The following AP3S1 variants were observed in gnomAD, a reference collection of about 807,000 sequenced individuals.
The protein encoded by AP3S1 is adaptor related protein complex 3 subunit sigma 1.
In AP3S1, 12 loss-of-function variants were observed where a neutral mutation model predicts 21.3. The observed-to-expected ratio is 0.56, with a 90% CI of 0.36 to 0.91. AP3S1 has a LOEUF of 0.91. Among genes scored for constraint, AP3S1 ranks in the 40% least tolerant of loss-of-function variants. AP3S1 has a pLI of 0.01. For missense variants in AP3S1, 116 were observed against 225.0 expected, an observed-to-expected ratio of 0.52 and a Z score of 3.10; for synonymous variants, 48 against 78.4, an observed-to-expected ratio of 0.61 and a Z score of 2.05.
At chr5:115,869,586 A>G in intron 2 of AP3S1, among the ~76,000 whole-genome samples, 1 of 151,910 alleles carries the variant, frequency 6.6e-6, no homozygotes, top group Non-Finnish European at 1.5e-5. Context: ...TTCCAAGCCA[A>G]CTCCTTATCA....
At chr5:115,883,785 T>C (rs1749522458) in intron 3 of AP3S1, among the ~76,000 whole-genome samples, 1 of 152,256 alleles carries the variant, frequency 6.6e-6, no homozygotes, top group South Asian at 2.1e-4. Flanking sequence ...AATCAGCTTT[T>C]GCTTGGGAGT....
At chr5:115,863,662 T>C (rs989320574) in intron 1 of AP3S1, among the ~76,000 whole-genome samples, 1 of 152,150 alleles carries the variant, frequency 6.6e-6, no homozygotes, top group Non-Finnish European at 1.5e-5. Flanking sequence ...AAAATCCCTT[T>C]TTACGTCGTA....
At chr5:115,896,542 G>T (rs938005293) in intron 4 of AP3S1, among the ~76,000 whole-genome samples, 1 of 152,198 alleles carries the variant, frequency 6.6e-6, no homozygotes, top group Non-Finnish European at 1.5e-5. Flanking sequence ...AGTTTGGGAG[G>T]CTGAGGCCGG....
At chr5:115,857,993 A>G (rs749960493) in intron 1 of AP3S1, among the ~76,000 whole-genome samples, 1 of 152,188 alleles carries the variant, frequency 6.6e-6, no homozygotes, top group East Asian at 1.9e-4. Flanking sequence ...AGTTGTCTGA[A>G]TCATACACAT....
intron 1 of AP3S1, among the ~76,000 whole-genome samples, chr5:115,850,121 T>G (rs1762334943): frequency 1.3e-5 from 2 of 152,208 alleles, no homozygotes; most frequent in Admixed American, 1.3e-4. Context: ...ATTTACATTT[T>G]TCCACTCTTG....
chr5:115,872,716 A>G (rs1451959160), intron 3 of AP3S1, among the ~76,000 whole-genome samples: 1 of 149,900 alleles, frequency 6.7e-6, no homozygotes, highest in African/African-American at 2.5e-5. Context: ...AAAGAAGCCA[A>G]ATCTTACTTT....
chr5:115,882,005 G>T (rs971568972), intron 3 of AP3S1, among the ~76,000 whole-genome samples: 1 of 151,622 alleles, frequency 6.6e-6, no homozygotes, highest in Admixed American at 6.6e-5. Context: ...TATTGATACT[G>T]TGTGTGCTTC....
chr5:115,864,339 G>A (rs1763442266), intron 1 of AP3S1, among the ~76,000 whole-genome samples: 1 of 152,116 alleles, frequency 6.6e-6, no homozygotes, highest in Admixed American at 6.6e-5. Context: ...CAATCCCCCT[G>A]GCATCCCAGA....
chr5:115,881,333 G>A (rs1749266398), intron 3 of AP3S1, among the ~76,000 whole-genome samples: 1 of 152,140 alleles, frequency 6.6e-6, no homozygotes, highest in African/African-American at 2.4e-5. Flanking sequence ...GCAATGGCTG[G>A]TACCGGTTTT....
intron 4 of AP3S1, among the ~76,000 whole-genome samples, chr5:115,901,864 G>T (rs6897860): frequency 1.3e-5 from 2 of 151,782 alleles, no homozygotes; most frequent in Non-Finnish European, 2.9e-5. Context: ...ATAAATTTGC[G>T]TGAAATCTTA....
chr5:115,859,949 TA>T (rs1274972999), intron 1 of AP3S1, among the ~76,000 whole-genome samples: 1 of 152,190 alleles, frequency 6.6e-6, no homozygotes, highest in East Asian at 1.9e-4. Flanking sequence ...ACCACAGACT[TA>T]GTGGCTTAAA....
chr5:115,841,935 A>AGGGGGCGGGTGGGGAAGGATC lies in AP3S1; in HGVS notation c.-101_-81dup, dbSNP rs1761565728. On this transcript the variant is annotated 5_prime_UTR_variant, in exon 1 of 6. Transcript: ENST00000316788. ...GGGAGCGCGCGCGGTCGCGTGCGGG[A>AGGGGGCGGGTGGGGAAGGATC]GGGGGCGGGTGGGGAAGGATCGCAG... 6.9e-5 allele frequency: 103 copies of AGGGGGCGGGTGGGGAAGGATC among 1,502,974 alleles called. No homozygotes were observed. The highest frequency in any genetic ancestry group is 9.0e-5 in the Non-Finnish European group (101 of 1,125,892). 93.1% of individuals were successfully genotyped at this position (1,502,974 alleles called of 1,614,324 possible). A position where few individuals can be genotyped will look rare whatever the true frequency, so the allele number is the denominator to read the frequency against.
chr5:115,856,524 T>C (rs1459746481), intron 1 of AP3S1, among the ~76,000 whole-genome samples: 3 of 152,064 alleles, frequency 2.0e-5, no homozygotes, highest in East Asian at 1.9e-4. Context: ...GTGTGATCAT[T>C]AGCTCACTGC....
chr5:115,872,252 A>T (rs895778210), intron 3 of AP3S1, among the ~76,000 whole-genome samples: 2 of 152,146 alleles, frequency 1.3e-5, no homozygotes, highest in Non-Finnish European at 2.9e-5. Context: ...CACTCACTCC[A>T]GCCCAGGTAA....
At chr5:115,879,003 A>C (rs1345133863) in intron 3 of AP3S1, among the ~76,000 whole-genome samples, 1 of 151,938 alleles carries the variant, frequency 6.6e-6, no homozygotes, top group South Asian at 2.1e-4. Context: ...CCGTTTGTCT[A>C]TTATTGGTGT....
At chr5:115,858,760 C>G (rs1762963343) in intron 1 of AP3S1, among the ~76,000 whole-genome samples, 1 of 150,702 alleles carries the variant, frequency 6.6e-6, no homozygotes, top group Non-Finnish European at 1.5e-5. Context: ...CCATGAGCTT[C>G]TTTATTTCTG....
chr5:115,859,765 T>C (rs1295246572), intron 1 of AP3S1, among the ~76,000 whole-genome samples: 1 of 152,236 alleles, frequency 6.6e-6, no homozygotes, highest in Non-Finnish European at 1.5e-5. Context: ...TCTTTAGATC[T>C]AGTTAGAGTT....
chr5:115,860,768 A>G (rs979050258), intron 1 of AP3S1, among the ~76,000 whole-genome samples: 1 of 152,162 alleles, frequency 6.6e-6, no homozygotes, highest in East Asian at 1.9e-4. Flanking sequence ...TGCCTTTACC[A>G]AAAAAGCCCT....
chr5:115,856,209 T>A (rs1325231590), intron 1 of AP3S1, among the ~76,000 whole-genome samples: 1 of 152,178 alleles, frequency 6.6e-6, no homozygotes, highest in Non-Finnish European at 1.5e-5. Context: ...GCTGCTAAGT[T>A]AAATAAGGAA....
Sources: gnomAD v4.1 joint callset for allele counts (sites outside exome capture counted in the v4.1 genomes callset) on GRCh38, gnomAD v4.1.1 for gene constraint, MANE v1.5 for transcripts, NCBI Gene and HGNC (gene_info 2026-07-23, HGNC 2026-07-21) for gene names.